Variants in PHLDB2 observed in about 807,000 individuals in gnomAD.
PHLDB2 encodes the protein pleckstrin homology like domain family B member 2, also known as pleckstrin homology-like domain family B member 2.
In PHLDB2, 71 loss-of-function variants were observed where a neutral mutation model predicts 123.6. The ratio of observed to expected loss-of-function variants is 0.57; its 90% CI spans 0.47 to 0.70. The LOEUF is 0.70. Ranked by LOEUF, PHLDB2 falls within the 30% of genes least tolerant of loss-of-function variation. PHLDB2 has a pLI of 0.00. For synonymous variants in PHLDB2, 547 were observed against 541.6 expected, an observed-to-expected ratio of 1.01 and a Z score of -0.14; for missense variants, 1,446 against 1,519.5, an observed-to-expected ratio of 0.95 and a Z score of 0.80.
chr3:111,926,082 T>A (rs576236496), intron 5 of PHLDB2, among the ~76,000 whole-genome samples: 1 of 152,228 alleles, frequency 6.6e-6, no homozygotes, highest in Non-Finnish European at 1.5e-5. Flanking sequence ...GATGCATTGT[T>A]ATATTTTGTA....
At chr3:111,902,237 A>G (rs1261109211) in intron 2 of PHLDB2, among the ~76,000 whole-genome samples, 1 of 152,216 alleles carries the variant, frequency 6.6e-6, no homozygotes, top group African/African-American at 2.4e-5. Flanking sequence ...TCATTGGCCA[A>G]AAAGTTAATA....
At chr3:111,820,027 G>A (rs1276546404) in intron 1 of PHLDB2, among the ~76,000 whole-genome samples, 1 of 152,192 alleles carries the variant, frequency 6.6e-6, no homozygotes, top group Non-Finnish European at 1.5e-5. Flanking sequence ...AGGAAACTTG[G>A]ATTAAGGTCA....
intron 1 of PHLDB2, among the ~76,000 whole-genome samples, chr3:111,779,074 T>A (rs1576567678): frequency 6.6e-6 from 1 of 152,090 alleles, no homozygotes; most frequent in African/African-American, 2.4e-5. Flanking sequence ...GGCCCTACCT[T>A]CGGAGTTTCT....
intron 1 of PHLDB2, among the ~76,000 whole-genome samples, chr3:111,843,183 C>T (rs1442395030): frequency 6.6e-6 from 1 of 152,134 alleles, no homozygotes; most frequent in Admixed American, 6.5e-5. Context: ...GATTGTGATC[C>T]AAAGAGGCAT....
At chr3:111,943,948 T>C (rs1186819486) in intron 8 of PHLDB2, among the ~76,000 whole-genome samples, 1 of 152,148 alleles carries the variant, frequency 6.6e-6, no homozygotes, top group Non-Finnish European at 1.5e-5. Context: ...TTTTCCATAA[T>C]AGTAAACAAA....
intron 1 of PHLDB2, among the ~76,000 whole-genome samples, chr3:111,735,482 T>A (rs1941657106): frequency 1.3e-5 from 2 of 152,196 alleles, no homozygotes; most frequent in South Asian, 4.1e-4. Context: ...AAGATCAAGA[T>A]AAAGAAATGC....
intron 2 of PHLDB2, among the ~76,000 whole-genome samples, chr3:111,893,758 C>CAAAAAA (rs35372627): frequency 7.3e-6 from 1 of 136,608 alleles, no homozygotes; most frequent in Non-Finnish European, 1.6e-5. Context: ...TTAAGGTAAG[C>CAAAAAA]AAAAAAAAAA....
intron 1 of PHLDB2, among the ~76,000 whole-genome samples, chr3:111,823,289 C>G (rs2062494275): frequency 6.6e-6 from 1 of 152,182 alleles, no homozygotes; most frequent in African/African-American, 2.4e-5. Context: ...TTTGCATATA[C>G]CCCAAGCTAG....
At chr3:111,902,962 A>G (rs549721258) in intron 2 of PHLDB2, among the ~76,000 whole-genome samples, 21 of 152,178 alleles carry the variant, frequency 1.4e-4, no homozygotes, top group Non-Finnish European at 2.2e-4. Flanking sequence ...TATTTTATTT[A>G]TTTTTTAATT....
At chr3:111,949,170 T>C (rs114987181) in intron 10 of PHLDB2, 95 bp downstream of exon 10, 5 of 1,408,966 alleles carry the variant, frequency 3.5e-6, no homozygotes, top group African/African-American at 1.4e-5. Flanking sequence ...AGAACGTGCA[T>C]GACAAATGTA....
intron 3 of PHLDB2, chr3:111,916,413 C>A (rs2107516369): frequency 6.6e-6 from 1 of 152,324 alleles, no homozygotes; most frequent in Middle Eastern, 3.4e-3. Context: ...AACAACCTTC[C>A]TATTTGTTTT....
chr3:111,733,009 G>T (rs1258035533), intron 1 of PHLDB2, among the ~76,000 whole-genome samples: 1 of 152,014 alleles, frequency 6.6e-6, no homozygotes, highest in African/African-American at 2.4e-5. Flanking sequence ...TTTCATTGGT[G>T]GTAACTCCAC....
intron 6 of PHLDB2, among the ~76,000 whole-genome samples, 180 bp downstream of exon 6, chr3:111,932,577 T>G (rs945799516): frequency 2.0e-5 from 3 of 152,226 alleles, no homozygotes; most frequent in African/African-American, 7.2e-5. Context: ...GCTAATCAGT[T>G]TTTAAAATTC....
At chr3:111,783,539 G>A (rs902325489) in intron 1 of PHLDB2, among the ~76,000 whole-genome samples, 4 of 152,118 alleles carry the variant, frequency 2.6e-5, no homozygotes, top group Non-Finnish European at 4.4e-5. Context: ...ACCTTTAAAT[G>A]TGTTCAAATC....
At chr3:111,816,247 G>A (rs761538408) in intron 1 of PHLDB2, among the ~76,000 whole-genome samples, 1 of 152,210 alleles carries the variant, frequency 6.6e-6, no homozygotes, top group African/African-American at 2.4e-5. Context: ...TAGTGGAGCT[G>A]TGAGAAGAGG....
intron 1 of PHLDB2, among the ~76,000 whole-genome samples, chr3:111,782,113 T>C (rs1559828569): frequency 6.6e-6 from 1 of 152,070 alleles, no homozygotes; most frequent in Non-Finnish European, 1.5e-5. Context: ...TAGGATGTAA[T>C]AGAGAAAGAC....
At chr3:111,765,761 G>A (rs1420581501) in intron 1 of PHLDB2, among the ~76,000 whole-genome samples, 3 of 152,222 alleles carry the variant, frequency 2.0e-5, no homozygotes, top group Non-Finnish European at 2.9e-5. Flanking sequence ...TCCCTGAGAA[G>A]GGAGGCTGAG....
rs144414383 is a variant in PHLDB2 at position 111,919,021 on chromosome 3, A to G, written c.1720-51A>G. 2.7e-3 allele frequency: 4,259 copies of G among 1,591,082 alleles called. 63 individuals are homozygous for G. Among genetic ancestry groups the G allele is most frequent in the Non-Finnish European group, 1.3e-3 (1,508 of 1,159,504 alleles). ...GGATGGTTTACAAGTCAAGTTGGGA[A>G]ATTCTAGAACTGAGGTGTGAATAAT... On this transcript the variant is annotated intron_variant, in intron 3 of 17. Coordinates refer to ENST00000431670, the MANE Select transcript of PHLDB2 (RefSeq NM_001134438.2).
rs1342205707 is a variant in PHLDB2 at position 111,917,729 on chromosome 3, A to G, written c.1720-1343A>G. ...GTACTAAATGCTGAATCGTTGAATCACTTTAGAAAGCTACAAAGTAAAGAA... is the reference window on the plus strand; with the variant it reads ...GTACTAAATGCTGAATCGTTGAATCGCTTTAGAAAGCTACAAAGTAAAGAA... On this transcript the variant is annotated intron_variant, in intron 3 of 17. Coordinates refer to ENST00000431670, the MANE Select transcript of PHLDB2 (RefSeq NM_001134438.2). 3.3e-5 allele frequency: 5 copies of G among 152,248 alleles called. No homozygotes were observed. In the East Asian group the frequency reaches 9.6e-4, roughly 29 times the overall value. The allele number at this position is 152,248 out of a possible 1,614,324, so 9.4% of individuals were successfully genotyped here.
Sources: allele counts gnomAD v4.1 joint callset (sites outside exome capture counted in the v4.1 genomes callset), GRCh38; gene constraint gnomAD v4.1.1; transcripts MANE v1.5; gene names NCBI Gene and HGNC (gene_info 2026-07-23, HGNC 2026-07-21).